Variants in NBAS observed in about 807,000 individuals in gnomAD.
NBAS encodes the protein NAG/BC035112 fusion.
In NBAS, 219 loss-of-function variants were observed where a neutral mutation model predicts 302.5. The observed-to-expected ratio is 0.72, with a 90% confidence interval of 0.65 to 0.81. The LOEUF (loss-of-function observed/expected upper bound fraction) is 0.81, where lower values mean the gene tolerates loss of function less well. Among genes scored for constraint, NBAS ranks in the 30% least tolerant of loss-of-function variants. NBAS has a pLI of 0.00. For missense variants in NBAS, 2,932 were observed against 2,841.6 expected, an observed-to-expected ratio of 1.03 and a Z score of -0.72; for synonymous variants, 1,118 against 1,021.6, an observed-to-expected ratio of 1.09 and a Z score of -1.80.
At chr2:15,501,971 G>C (rs534130455) in intron 11 of NBAS, among the ~76,000 whole-genome samples, 1 of 152,234 alleles carries the variant, frequency 6.6e-6, no homozygotes, top group Non-Finnish European at 1.5e-5. Flanking sequence ...TGCCAAACTT[G>C]AGTAGTAAAA....
intron 28 of NBAS, among the ~76,000 whole-genome samples, chr2:15,386,630 T>C (rs879643833): frequency 3.3e-5 from 5 of 152,194 alleles, no homozygotes; most frequent in African/African-American, 4.8e-5. Flanking sequence ...CTGATCTTCA[T>C]GTCCACCTTC....
chr2:15,063,891 TG>T, the NBAS span, among the ~76,000 whole-genome samples: 1 of 152,210 alleles, frequency 6.6e-6, no homozygotes, highest in Non-Finnish European at 1.5e-5. Context: ...CAGTCTGTGA[TG>T]TTTTGTTATG....
chr2:15,089,225 T>TC, the NBAS span, among the ~76,000 whole-genome samples: 1 of 152,084 alleles, frequency 6.6e-6, no homozygotes, highest in Non-Finnish European at 1.5e-5. Flanking sequence ...CAAGCAATCC[T>TC]CCTGCTTCGG....
At chr2:15,113,165 T>C in the NBAS span, among the ~76,000 whole-genome samples, 1 of 152,144 alleles carries the variant, frequency 6.6e-6, no homozygotes, top group Admixed American at 6.6e-5. Flanking sequence ...TGATGTGATA[T>C]TCCAATTCTA....
Position 15,379,707 on chromosome 2 carries a change from T to C in NBAS, c.3485A>G (p.His1162Arg). 6.2e-7 allele frequency: 1 copy of C among 1,614,056 alleles called. No homozygotes were observed. The highest frequency in any genetic ancestry group is 8.5e-7 in the Non-Finnish European group (1 of 1,179,988). ...ACTCTTTTCGTAGCTGACCCTGTAGTGGGGTTTCCCTTTATGGGCTATACC... is the reference window on the plus strand; with the variant it reads ...ACTCTTTTCGTAGCTGACCCTGTAGCGGGGTTTCCCTTTATGGGCTATACC... Reference protein sequence around the residue: ...PAGIAHKGKPHYRVSYEKSID... With the variant: ...PAGIAHKGKPRYRVSYEKSID... Residue 1162 changes from histidine (H) to arginine (R), a missense_variant, in exon 30 of 52, where the codon CAC becomes CGC. Physicochemically the swap from His to Arg is conservative, Grantham distance 29. Transcript: ENST00000281513.
At chr2:14,825,372 G>C in the NBAS span, among the ~76,000 whole-genome samples, 1 of 152,198 alleles carries the variant, frequency 6.6e-6, no homozygotes, top group South Asian at 2.1e-4. Context: ...TCTATATAAA[G>C]TAGGTAGCGT....
At chr2:15,526,500 C>G (rs1025517143) in intron 9 of NBAS, among the ~76,000 whole-genome samples, 1 of 151,972 alleles carries the variant, frequency 6.6e-6, no homozygotes, top group Admixed American at 6.6e-5. Context: ...ATCACAGGCC[C>G]ACATTACTAG....
chr2:15,240,507 CTCAGGAGGCTGCG>C (rs1205160459), intron 44 of NBAS, among the ~76,000 whole-genome samples: 1 of 151,014 alleles, frequency 6.6e-6, no homozygotes, highest in Non-Finnish European at 1.5e-5. Flanking sequence ...GTCCCAGCTA[CTCAGGAGGCTGCG>C]GCAGGAGAAT....
chr2:15,421,058 G>GT (rs1424470088), intron 23 of NBAS, among the ~76,000 whole-genome samples: 3 of 151,794 alleles, frequency 2.0e-5, no homozygotes, highest in East Asian at 3.9e-4. Flanking sequence ...ACAGACACAT[G>GT]TTTTTTTACC....
chr2:15,085,046 G>A, the NBAS span, among the ~76,000 whole-genome samples: 3 of 152,302 alleles, frequency 2.0e-5, no homozygotes, highest in East Asian at 5.8e-4. Context: ...GCAGCTTTCC[G>A]CCCTGGGGGC....
intron 1 of NBAS, among the ~76,000 whole-genome samples, chr2:15,559,897 C>G (rs1267827731): frequency 6.6e-6 from 1 of 152,194 alleles, no homozygotes; most frequent in Non-Finnish European, 1.5e-5. Context: ...CAACAGCTTC[C>G]TAGCTGCATA....
chr2:14,903,954 C>T, the NBAS span, among the ~76,000 whole-genome samples: 11 of 152,316 alleles, frequency 7.2e-5, no homozygotes, highest in East Asian at 3.9e-4. Context: ...TGCCGGTTAC[C>T]ACCTGCAGGG....
In NBAS at chr2:15,250,751, A is replaced by G. The variant is rs968042777; in HGVS notation, c.5725-12065T>C. On this transcript the variant is annotated intron_variant, in intron 44 of 51. Transcript: ENST00000281513. ...CATTAGAGAAATGCAAATCAAAACC[A>G]CAATGAGATACCGTCTCATGCCGGT... 2.6e-5 allele frequency among the ~76,000 whole-genome samples: 4 copies of G among 152,356 alleles called. 1 individual carries two copies. The highest frequency in any genetic ancestry group is 2.6e-4 in the Admixed American group (4 of 15,302).
intron 22 of NBAS, among the ~76,000 whole-genome samples, chr2:15,425,982 T>C (rs1677452361): frequency 6.6e-6 from 1 of 152,106 alleles, no homozygotes; most frequent in African/African-American, 2.4e-5. Flanking sequence ...CAAGCATGAA[T>C]ACCAGAAAGG....
Position 15,536,504 on chromosome 2 carries a change from TATC to T in NBAS, c.558_560del (p.Ile187del), listed in dbSNP as rs796065037. The T allele has an allele frequency of 6.2e-7, 1 of 1,612,504 alleles. No homozygotes were observed. The highest frequency in any genetic ancestry group is 8.5e-7 in the Non-Finnish European group (1 of 1,179,662). On this transcript the variant is annotated inframe_deletion, in exon 8 of 52. Coordinates refer to ENST00000281513, the MANE Select transcript of NBAS (RefSeq NM_015909.4). ...GTGCACTTGCTTTATATTCTAAAAA[TATC>T]AACCCAGCAATGGCATAGCTTAAGT...
intron 3 of NBAS, among the ~76,000 whole-genome samples, chr2:15,556,173 TG>T (rs1664635922): frequency 6.6e-6 from 1 of 152,206 alleles, no homozygotes; most frequent in African/African-American, 2.4e-5. Context: ...GTCTCTTTTA[TG>T]GAACTATATT....
At chr2:15,187,941 A>C (rs1399322923) in intron 49 of NBAS, among the ~76,000 whole-genome samples, 1 of 152,212 alleles carries the variant, frequency 6.6e-6, no homozygotes, top group Non-Finnish European at 1.5e-5. Context: ...AGGTACACAC[A>C]GTTCTGTGAG....
chr2:15,351,037 C>T (rs112997814), intron 35 of NBAS, among the ~76,000 whole-genome samples: 3 of 152,234 alleles, frequency 2.0e-5, no homozygotes, highest in African/African-American at 4.8e-5. Context: ...CATGTACAAA[C>T]GATGACAGTC....
chr2:15,406,176 A>G (rs1676406985), intron 25 of NBAS, among the ~76,000 whole-genome samples: 1 of 151,972 alleles, frequency 6.6e-6, no homozygotes, highest in Non-Finnish European at 1.5e-5. Context: ...CAGACATTAA[A>G]ACACACTAAA....
Sources: allele counts gnomAD v4.1 joint callset (sites outside exome capture counted in the v4.1 genomes callset), GRCh38; gene constraint gnomAD v4.1.1; transcripts MANE v1.5; gene names NCBI Gene and HGNC (gene_info 2026-07-23, HGNC 2026-07-21).